The following GALNT6 variants were observed in gnomAD, a reference collection of about 807,000 sequenced individuals.
GALNT6 encodes the protein polypeptide N-acetylgalactosaminyltransferase 6, also known as GalNAc transferase 6.
Under a neutral mutation model 65.9 loss-of-function variants are expected in GALNT6, and 51 were observed. The observed-to-expected ratio is 0.77, with a 90% CI of 0.62 to 0.98. The LOEUF (loss-of-function observed/expected upper bound fraction) is 0.98, where lower values mean the gene tolerates loss of function less well. Among genes scored for constraint, GALNT6 ranks in the 50% least tolerant of loss-of-function variants. The pLI is 0.00. For missense variants in GALNT6, 708 were observed against 803.3 expected (o/e 0.88, Z 1.43); for synonymous variants, 323 against 315.1 (o/e 1.02, Z -0.26).
intron 2 of GALNT6, among the ~76,000 whole-genome samples, chr12:51,384,981 G>C (rs1417201949): frequency 2.0e-5 from 3 of 152,048 alleles, no homozygotes; most frequent in Non-Finnish European, 4.4e-5. Flanking sequence ...GCAAGTATTC[G>C]TTTTTTCTTT....
chr12:51,377,161 C>A (rs763571580), intron 4 of GALNT6, 34 bp downstream of exon 4: 21 of 1,600,466 alleles, frequency 1.3e-5, no homozygotes, highest in Non-Finnish European at 1.6e-5. Flanking sequence ...CAGGGGAGAC[C>A]CCGGCCCCCT....
In GALNT6 at chr12:51,379,722, A is replaced by G; in HGVS notation, c.60T>C (p.Phe20=). The G allele has an allele frequency of 6.2e-7, 1 of 1,613,726 alleles. No homozygotes were observed. Among genetic ancestry groups the G allele is most frequent in the Non-Finnish European group, 8.5e-7 (1 of 1,179,978 alleles). ...PLRLAMVGCA[F]VLFLFLLHRD... Reference sequence around the variant, plus strand: ...TATGCAGGAGGAAGAGGAAGAGCACAAAGGCGCAGCCCACCATGGCCAGGC... The same window carrying G: ...TATGCAGGAGGAAGAGGAAGAGCACGAAGGCGCAGCCCACCATGGCCAGGC... The change falls in exon 3 of 12, where the codon TTT becomes TTC. Residue 20 remains phenylalanine, a synonymous_variant. Coordinates refer to ENST00000356317, the MANE Select transcript of GALNT6 (RefSeq NM_007210.4).
intron 2 of GALNT6, among the ~76,000 whole-genome samples, chr12:51,382,050 G>A (rs2137775910): frequency 6.6e-6 from 1 of 152,354 alleles, no homozygotes; most frequent in Admixed American, 6.5e-5. Context: ...ATTCATTCTG[G>A]ACTGGGGTAC....
At position 51,359,266 on chromosome 12, in the gene GALNT6, T is replaced by C; in HGVS notation, c.1234A>G (p.Lys412Glu). 1.2e-6 allele frequency: 2 copies of C among 1,614,128 alleles called. No individual in the cohort carries two copies. Among genetic ancestry groups the C allele is most frequent in the Non-Finnish European group, 1.7e-6 (2 of 1,179,992 alleles). The change falls in exon 8 of 12, where the codon AAG becomes GAG. Residue 412 changes from lysine to glutamate, a missense_variant. Lys to Glu is a moderately conservative substitution (Grantham distance 56). Transcript: ENST00000356317. ...CSVVGHVFRT[K>E]SPHTFPKGTS... ...CCCTTGGGGAAGGTGTGGGGGCTCT[T>C]GGTCCGGAACACATGGCCTACGACA...
At chr12:51,361,523 A>G (rs1946924320) in intron 6 of GALNT6, among the ~76,000 whole-genome samples, 1 of 152,240 alleles carries the variant, frequency 6.6e-6, no homozygotes, top group Non-Finnish European at 1.5e-5. Context: ...AGGTGAGATC[A>G]AGCTCAATTT....
chr12:51,390,850 C>T lies in GALNT6; in HGVS notation c.-104G>A, dbSNP rs1355703810. 6.6e-6 allele frequency: 1 copy of T among 152,286 alleles called. No homozygotes were observed. The highest frequency in any genetic ancestry group is 6.5e-5 in the Admixed American group (1 of 15,284). The allele number at this position is 152,286 out of a possible 1,614,324, so 9.4% of individuals were successfully genotyped here. On this transcript the variant is annotated splice_region_variant and 5_prime_UTR_variant, in exon 2 of 12. Coordinates refer to ENST00000356317, the MANE Select transcript of GALNT6 (RefSeq NM_007210.4). ...CATACACAGAAGAGCCCCATCCTAC[C>T]CTCTGCAGACGTCTGGGTCTGCGAT...
rs1187573136 is a variant in GALNT6 at position 51,377,242 on chromosome 12, G to T, written c.617C>A (p.Ala206Asp). The change falls in exon 4 of 12, where the codon GCC becomes GAC. Residue 206 changes from alanine (A) to aspartate (D), a missense_variant. By Grantham distance (126) the Ala-to-Asp change is moderately radical (BLOSUM62 -2). Coordinates refer to ENST00000356317, the MANE Select transcript of GALNT6 (RefSeq NM_007210.4). ...TVYSVLHTTP[A>D]ILLKEIILVD... ...CAGTATGATCTCCTTGAGCAAGATG[G>T]CAGGGGTGGTGTGTAGGACGCTGTA... 3.7e-6 allele frequency: 6 copies of T among 1,613,916 alleles called. No individual in the cohort carries two copies. The highest frequency in any genetic ancestry group is 5.1e-6 in the Non-Finnish European group (6 of 1,180,022).
intron 10 of GALNT6, 57 bp from the exon 11 acceptor site, chr12:51,356,015 A>G (rs1592309601): frequency 6.4e-7 from 1 of 1,553,088 alleles, no homozygotes; most frequent in Non-Finnish European, 8.9e-7. Flanking sequence ...TTCCAAAGCC[A>G]CCTGCCCTGA....
At chr12:51,366,561 G>A (rs1247068441) in intron 4 of GALNT6, among the ~76,000 whole-genome samples, 3 of 152,138 alleles carry the variant, frequency 2.0e-5, no homozygotes, top group Non-Finnish European at 2.9e-5. Context: ...GCACAGTGGC[G>A]AGCCCAGCCG....
intron 2 of GALNT6, among the ~76,000 whole-genome samples, chr12:51,380,676 A>C (rs952429346): frequency 6.6e-6 from 1 of 152,216 alleles, no homozygotes; most frequent in Non-Finnish European, 1.5e-5. Context: ...CTGTAATCCC[A>C]GCTACTTGGG....
Position 51,352,223 on chromosome 12 carries a change from A to AT in GALNT6, c.*2155dup, listed in dbSNP as rs1946629677. ...CCATGTGCAGTCGGGTCTGCTCCCCATGGGGGCTTTGATGTGGGCCCAGCA... is the reference window on the plus strand; with the variant it reads ...CCATGTGCAGTCGGGTCTGCTCCCCATTGGGGGCTTTGATGTGGGCCCAGCA... On this transcript the variant is annotated 3_prime_UTR_variant, in exon 12 of 12. Transcript: ENST00000356317. The AT allele has an allele frequency of 6.6e-6, 1 of 152,166 alleles. No individual in the cohort carries two copies. The highest frequency in any genetic ancestry group is 2.1e-4 in the South Asian group (1 of 4,830). 9.4% of individuals were successfully genotyped at this position (152,166 alleles called of 1,614,324 possible).
At chr12:51,380,647 T>C (rs1397479975) in intron 2 of GALNT6, among the ~76,000 whole-genome samples, 11 of 152,112 alleles carry the variant, frequency 7.2e-5, no homozygotes, top group African/African-American at 1.9e-4. Context: ...AAAAATTAGC[T>C]GGGCGTGGTA....
chr12:51,359,179 T>G lies in GALNT6; in HGVS notation c.1321A>C (p.Lys441Gln), dbSNP rs1480179392. 1.2e-6 allele frequency: 2 copies of G among 1,614,152 alleles called. No homozygotes were observed. The highest frequency in any genetic ancestry group is 3.3e-5 in the Admixed American group (2 of 60,020). The change falls in exon 8 of 12, where the codon AAG becomes CAG. Residue 441 changes from lysine to glutamine, a missense_variant. Lys to Gln is a moderately conservative substitution (Grantham distance 53). Coordinates refer to ENST00000356317, the MANE Select transcript of GALNT6 (RefSeq NM_007210.4). ...LAEVWMDSYK[K>Q]IFYRRNLQAA... ...TGCAGATTTCTCCTATAGAAAATCT[T>G]CTTGTAGCTGTCCATCCAGACCTCT...
In GALNT6 at chr12:51,354,038, C is replaced by G. The variant is rs1946677692; in HGVS notation, c.*341G>C. 1 of 200,194 alleles carries G rather than the reference C, an allele frequency of 5.0e-6. No homozygotes were observed. The highest frequency in any genetic ancestry group is 2.4e-5 in the African/African-American group (1 of 42,490). The allele number at this position is 200,194 out of a possible 1,614,324, so 12.4% of individuals were successfully genotyped here. A position where few individuals can be genotyped will look rare whatever the true frequency, so the allele number is the denominator to read the frequency against. ...TTGTCTTCCCAAAGTGCTAGGATTT[C>G]AGGCATGAGCCACTGTGCCCAGCCT... On this transcript the variant is annotated 3_prime_UTR_variant, in exon 12 of 12. Transcript: ENST00000356317.
intron 2 of GALNT6, among the ~76,000 whole-genome samples, chr12:51,384,526 T>C (rs546626028): frequency 2.8e-5 from 4 of 142,640 alleles, no homozygotes; most frequent in Non-Finnish European, 6.1e-5. Flanking sequence ...ACCCCTTCTC[T>C]ACTAAAAATA....
At chr12:51,390,162 T>TCTTTCTTTC (rs1565741219) in intron 2 of GALNT6, among the ~76,000 whole-genome samples, 11 of 113,430 alleles carry the variant, frequency 9.7e-5, no homozygotes, top group Middle Eastern at 4.8e-3. Flanking sequence ...CTTTCTTTTT[T>TCTTTCTTTC]TTTTTTTTTT....
intron 7 of GALNT6, 54 bp downstream of exon 7, chr12:51,360,667 T>C: frequency 9.6e-7 from 1 of 1,038,848 alleles, no homozygotes; most frequent in Non-Finnish European, 1.5e-6. Context: ...GAGATGTTTC[T>C]CAAGCTGTCG....
chr12:51,366,283 A>G (rs985253731), intron 4 of GALNT6, among the ~76,000 whole-genome samples: 29 of 152,130 alleles, frequency 1.9e-4, no homozygotes, highest in African/African-American at 7.0e-4. Flanking sequence ...CTCAGCCACC[A>G]TCTTCCAGAG....
At chr12:51,358,055 T>G in intron 9 of GALNT6, 75 bp downstream of exon 9, 2 of 1,377,252 alleles carry the variant, frequency 1.5e-6, no homozygotes, top group East Asian at 4.6e-5. Flanking sequence ...GTCATCCATC[T>G]GTGGGGTCAG....
Sources: gnomAD v4.1 joint callset for allele counts (sites outside exome capture counted in the v4.1 genomes callset) on GRCh38, gnomAD v4.1.1 for gene constraint, MANE v1.5 for transcripts, NCBI Gene and HGNC (gene_info 2026-07-23, HGNC 2026-07-21) for gene names.